Variants in PIAS2 observed in about 807,000 individuals in gnomAD.
PIAS2 encodes the protein protein inhibitor of activated STAT 2.
PIAS2 carries 19 observed loss-of-function variants against 69.7 expected under a neutral mutation model. That is an observed-to-expected ratio of 0.27 (90% CI 0.19 to 0.40). PIAS2 has a LOEUF of 0.40. PIAS2 is among the 10% of genes least tolerant of loss of function. PIAS2 has a pLI of 1.00. For synonymous variants in PIAS2, 261 were observed against 263.2 expected (o/e 0.99, Z 0.08); for missense variants, 624 against 757.0 (o/e 0.82, Z 2.06).
At chr18:46,824,583 T>C (rs966834416) in intron 11 of PIAS2, among the ~76,000 whole-genome samples, 3 of 152,170 alleles carry the variant, frequency 2.0e-5, no homozygotes, top group Non-Finnish European at 4.4e-5. Flanking sequence ...AGAAAGGGAA[T>C]AGGACTGCCA....
At chr18:46,821,336 A>T (rs971421685) in intron 11 of PIAS2, among the ~76,000 whole-genome samples, 4 of 152,196 alleles carry the variant, frequency 2.6e-5, no homozygotes, top group Non-Finnish European at 5.9e-5. Flanking sequence ...GGAGTGAGAT[A>T]TAACACTTCC....
At chr18:46,836,154 T>C (rs1035723739) in intron 9 of PIAS2, 2 of 465,352 alleles carry the variant, frequency 4.3e-6, no homozygotes. Context: ...GCAAATCATA[T>C]TATAGAGATA....
chr18:46,908,593 A>G (rs1201874717), intron 1 of PIAS2, among the ~76,000 whole-genome samples: 1 of 152,250 alleles, frequency 6.6e-6, no homozygotes, highest in African/African-American at 2.4e-5. Flanking sequence ...TACTTTTACA[A>G]TAATGGAAAA....
intron 1 of PIAS2, among the ~76,000 whole-genome samples, chr18:46,898,390 C>T (rs1410474839): frequency 6.6e-6 from 1 of 152,138 alleles, no homozygotes; most frequent in Non-Finnish European, 1.5e-5. Context: ...GTGATCCACC[C>T]ACCTCGGTTT....
At chr18:46,897,349 C>G (rs2055053817) in intron 1 of PIAS2, among the ~76,000 whole-genome samples, 1 of 152,044 alleles carries the variant, frequency 6.6e-6, no homozygotes. Context: ...CACCAGAAAA[C>G]AGAGAAGCTA....
At chr18:46,849,356 A>G (rs1233199343) in intron 5 of PIAS2, among the ~76,000 whole-genome samples, 1 of 152,158 alleles carries the variant, frequency 6.6e-6, no homozygotes, top group African/African-American at 2.4e-5. Context: ...CCCAACCATC[A>G]ATTTCCTGGT....
chr18:46,855,313 T>C (rs367814205), intron 5 of PIAS2, 32 bp downstream of exon 5: 67 of 1,367,178 alleles, frequency 4.9e-5, no homozygotes, highest in African/African-American at 2.8e-4. Flanking sequence ...ATTAAACTTA[T>C]ATGCAAATCT....
At chr18:46,842,283 A>C (rs865904235) in intron 8 of PIAS2, among the ~76,000 whole-genome samples, 2,816 of 151,612 alleles carry the variant, frequency 0.019, 77 homozygotes, top group African/African-American at 0.063. Context: ...AATGCAAAAA[A>C]AAAAAAAAAA....
Position 46,880,013 on chromosome 18 carries a change from C to T in PIAS2, c.499+10567G>A, listed in dbSNP as rs148806860. On this transcript the variant is annotated intron_variant, in intron 2 of 13. Coordinates refer to ENST00000585916, the MANE Select transcript of PIAS2 (RefSeq NM_004671.5). ...AGGGTTCTCTGGAGATAGATGGCAG[C>T]GATGGTTCCAACAATATTAATATAC... is the stretch of plus-strand genomic sequence containing the variant. Among the ~76,000 whole-genome samples the T allele has an allele frequency of 5.9e-3, 888 of 149,710 alleles. 7 individuals carry two copies. The highest frequency in any genetic ancestry group is 0.014 in the African/African-American group (580 of 40,562).
At chr18:46,835,536 C>T (rs2044301775) in intron 9 of PIAS2, among the ~76,000 whole-genome samples, 1 of 152,178 alleles carries the variant, frequency 6.6e-6, no homozygotes, top group Non-Finnish European at 1.5e-5. Context: ...AAGTGATCCT[C>T]CCACCTCACG....
In PIAS2 at chr18:46,829,715, G is replaced by A. The variant is rs1161956609; in HGVS notation, c.1336+19C>T. ...CACGAGTCTCACTGCTTTACTCTCTGCTGCTATTCTACACATACTTTCTAT... is the reference window on the plus strand; with the variant it reads ...CACGAGTCTCACTGCTTTACTCTCTACTGCTATTCTACACATACTTTCTAT... On this transcript the variant is annotated intron_variant, in intron 10 of 13. Coordinates refer to ENST00000585916, the MANE Select transcript of PIAS2 (RefSeq NM_004671.5). The A allele has an allele frequency of 4.4e-6, 7 of 1,606,830 alleles. No individual in the cohort carries two copies. The Admixed American group carries it at 6.8e-5, about 16-fold the overall frequency.
chr18:46,812,837 T>C (rs534388461), intron 13 of PIAS2, among the ~76,000 whole-genome samples: 5 of 152,164 alleles, frequency 3.3e-5, no homozygotes, highest in African/African-American at 9.7e-5. Context: ...TCTAAACTTG[T>C]GGAACTTGTT....
At chr18:46,840,100 G>A (rs2045131980) in intron 8 of PIAS2, among the ~76,000 whole-genome samples, 1 of 152,076 alleles carries the variant, frequency 6.6e-6, no homozygotes, top group Non-Finnish European at 1.5e-5. Context: ...GGCGGAAGTT[G>A]CAGTGAGCTG....
At chr18:46,837,851 C>G (rs574343572) in intron 8 of PIAS2, among the ~76,000 whole-genome samples, 1 of 152,104 alleles carries the variant, frequency 6.6e-6, no homozygotes, top group Non-Finnish European at 1.5e-5. Context: ...CCCACTAGAT[C>G]TTATGCTCCA....
chr18:46,860,352 T>C (rs759291506), intron 3 of PIAS2, among the ~76,000 whole-genome samples: 7 of 152,186 alleles, frequency 4.6e-5, no homozygotes, highest in Non-Finnish European at 8.8e-5. Context: ...GAATGTACAA[T>C]ATGCTAGATC....
intron 2 of PIAS2, 30 bp downstream of exon 2, chr18:46,890,550 T>C: frequency 7.5e-7 from 1 of 1,338,864 alleles, no homozygotes; most frequent in Non-Finnish European, 1.1e-6. Flanking sequence ...ACTATCTTGT[T>C]CAGAAGAAAC....
In PIAS2 at chr18:46,890,907, G is replaced by A. The variant is rs867192877; in HGVS notation, c.172C>T (p.Arg58Ter). ...GGATATCGGCGTCTATACAATTCTC[G>A]GATTTTAATCTGAACCGCAGGGCTG... ...GCSPAVQIKI[R>*]ELYRRRYPRT... Residue 58 changes from arginine to a stop codon, truncating the protein, a stop_gained, in exon 2 of 14, where the codon CGA (arginine) becomes TGA (stop). Coordinates refer to ENST00000585916, the MANE Select transcript of PIAS2 (RefSeq NM_004671.5). LOFTEE classifies it high-confidence loss of function. The A allele has an allele frequency of 1.2e-6, 2 of 1,614,116 alleles. No individual in the cohort carries two copies. Among genetic ancestry groups the A allele is most frequent in the Non-Finnish European group, 1.7e-6 (2 of 1,180,040 alleles).
At chr18:46,860,769 G>T (rs545332406) in intron 3 of PIAS2, among the ~76,000 whole-genome samples, 1 of 152,106 alleles carries the variant, frequency 6.6e-6, no homozygotes, top group Non-Finnish European at 1.5e-5. Context: ...TTGAGCACAG[G>T]TGTCTGAGAC....
In PIAS2 at chr18:46,809,126, A is replaced by C. The variant is rs557086238; in HGVS notation, c.*3307T>G. 19 of 152,296 alleles carry C rather than the reference A, an allele frequency of 1.2e-4. No individual in the cohort carries two copies. The East Asian group carries it at 3.7e-3, about 29-fold the overall frequency. The allele number at this position is 152,296 out of a possible 1,614,324, so 9.4% of individuals were successfully genotyped here. On this transcript the variant is annotated 3_prime_UTR_variant, in exon 14 of 14. Coordinates refer to ENST00000585916, the MANE Select transcript of PIAS2 (RefSeq NM_004671.5). ...TTCAAATTCCTCAAGACTAAGGAAA[A>C]CTTGGTTTTATACCAAGAATTATGA...
Sources: allele counts gnomAD v4.1 joint callset (sites outside exome capture counted in the v4.1 genomes callset), GRCh38; gene constraint gnomAD v4.1.1; transcripts MANE v1.5; gene names NCBI Gene and HGNC (gene_info 2026-07-23, HGNC 2026-07-21).